Variants in SYN2 observed in about 807,000 individuals in gnomAD.
SYN2 encodes the protein synapsin-2.
SYN2 carries 19 observed loss-of-function variants against 50.9 expected under a neutral mutation model. The observed-to-expected ratio is 0.37, with a 90% CI of 0.26 to 0.55. SYN2 has a LOEUF of 0.55. Ranked by LOEUF, SYN2 falls within the 20% of genes least tolerant of loss-of-function variation. The pLI, the probability that SYN2 is intolerant of heterozygous loss-of-function variation, is 0.81. For missense variants in SYN2, 587 were observed against 576.4 expected (o/e 1.02, Z -0.19); for synonymous variants, 255 against 224.9 (o/e 1.13, Z -1.20).
At chr3:12,065,415 G>A (rs910591202) in intron 1 of SYN2, among the ~76,000 whole-genome samples, 11 of 152,076 alleles carry the variant, frequency 7.2e-5, no homozygotes, top group African/African-American at 1.4e-4. Context: ...TATGTTTGTC[G>A]TAGCACTATT....
chr3:12,186,396 T>C (rs1698342310), intron 11 of SYN2, among the ~76,000 whole-genome samples: 1 of 152,186 alleles, frequency 6.6e-6, no homozygotes, highest in African/African-American at 2.4e-5. Flanking sequence ...AAGGAGGACC[T>C]TTTTCCTCTC....
intron 1 of SYN2, among the ~76,000 whole-genome samples, chr3:12,090,033 A>G (rs1442404264): frequency 6.6e-6 from 1 of 152,230 alleles, no homozygotes; most frequent in Non-Finnish European, 1.5e-5. Flanking sequence ...GTGATTACCA[A>G]GAAATAGACT....
chr3:12,190,976 C>T lies in SYN2; in HGVS notation c.*351C>T, dbSNP rs1227950129. On this transcript the variant is annotated 3_prime_UTR_variant, in exon 13 of 13. Coordinates refer to ENST00000621198, the MANE Select transcript of SYN2 (RefSeq NM_133625.6). ...TGAAACCAGGATTAATCGTGGACTC[C>T]TGGCAGCTTAACCTAGCTCAGTTGC... is the stretch of plus-strand genomic sequence containing the variant. 6.8e-6 allele frequency: 7 copies of T among 1,034,562 alleles called. No homozygotes were observed. The Admixed American group carries it at 4.1e-4, about 61-fold the overall frequency. 64.1% of individuals were successfully genotyped at this position (1,034,562 alleles called of 1,614,324 possible). A position where few individuals can be genotyped will look rare whatever the true frequency, so the allele number is the denominator to read the frequency against.
intron 1 of SYN2, among the ~76,000 whole-genome samples, chr3:12,123,295 C>G (rs1696601187): frequency 6.6e-6 from 1 of 152,128 alleles, no homozygotes. Context: ...AGTGAAGTTG[C>G]AGAGCATCAA....
Position 12,169,730 on chromosome 3 carries a change from C to T in SYN2, c.1159-27C>T. 4 of 1,612,758 alleles carry T rather than the reference C, an allele frequency of 2.5e-6. No individual in the cohort carries two copies. In the South Asian group the frequency reaches 3.3e-5, roughly 13 times the overall value. The stretch of plus-strand genomic sequence containing the variant: ...GCCATTTATGTTTCCAGACCCCTTT[C>T]CTCACCTGGGACACATCTCCCACCA... On this transcript the variant is annotated intron_variant, in intron 9 of 12. Coordinates refer to ENST00000621198, the MANE Select transcript of SYN2 (RefSeq NM_133625.6).
At chr3:12,076,514 G>A (rs997158680) in intron 1 of SYN2, among the ~76,000 whole-genome samples, 6 of 151,238 alleles carry the variant, frequency 4.0e-5, no homozygotes, top group Non-Finnish European at 1.5e-5. Context: ...CTTTTTATCC[G>A]TCATTACTAG....
intron 1 of SYN2, among the ~76,000 whole-genome samples, chr3:12,028,028 C>T (rs1694301919): frequency 1.3e-5 from 1 of 78,262 alleles, no homozygotes; most frequent in South Asian, 5.8e-4. Flanking sequence ...CTTTCCCTCC[C>T]CCCTCCCCAC....
intron 1 of SYN2, among the ~76,000 whole-genome samples, chr3:12,041,873 C>T (rs1314650659): frequency 2.0e-5 from 3 of 152,180 alleles, no homozygotes; most frequent in African/African-American, 7.2e-5. Context: ...CTCAGTCCTC[C>T]AGATATAATA....
Position 12,161,548 on chromosome 3 carries a change from G to T in SYN2, c.777G>T (p.Leu259=), listed in dbSNP as rs764136841. Residue 259 remains leucine, a splice_region_variant and synonymous_variant, in exon 6 of 13, where the codon CTG becomes CTT. Coordinates refer to ENST00000621198, the MANE Select transcript of SYN2 (RefSeq NM_133625.6). The part of the protein sequence containing the change: ...QTYYPNHKEM[L]TLPTFPVVVK... ...ATTCATTTCTCTTCTGATTTCAGCT[G>T]ACACTGCCCACGTTCCCTGTGGTGG... 1 of 1,614,004 alleles carries T rather than the reference G, an allele frequency of 6.2e-7. No homozygotes were observed. The highest frequency in any genetic ancestry group is 1.1e-5 in the South Asian group (1 of 91,080).
intron 1 of SYN2, among the ~76,000 whole-genome samples, chr3:12,027,951 CTT>C (rs35864647): frequency 1.5e-3 from 208 of 140,936 alleles, no homozygotes; most frequent in Middle Eastern, 3.6e-3. Context: ...ATAAGTAATT[CTT>C]TTTTTTTTTT....
intron 1 of SYN2, among the ~76,000 whole-genome samples, chr3:12,017,170 G>A (rs1259738848): frequency 7.9e-5 from 12 of 152,106 alleles, no homozygotes. Context: ...TGTGTGTAGT[G>A]CAGATGTAGG....
At chr3:12,123,867 C>A in intron 1 of SYN2, among the ~76,000 whole-genome samples, 1 of 151,926 alleles carries the variant, frequency 6.6e-6, no homozygotes, top group East Asian at 1.9e-4. Flanking sequence ...AAAAATCAGC[C>A]AAGTGTGGTG....
intron 1 of SYN2, among the ~76,000 whole-genome samples, chr3:12,013,131 A>T (rs1693951568): frequency 6.6e-6 from 1 of 152,186 alleles, no homozygotes; most frequent in South Asian, 2.1e-4. Context: ...GTTCCTTTTT[A>T]AAATTTTTAA....
At chr3:12,020,475 C>T (rs1318311262) in intron 1 of SYN2, among the ~76,000 whole-genome samples, 1 of 151,962 alleles carries the variant, frequency 6.6e-6, no homozygotes, top group Admixed American at 6.6e-5. Context: ...GCACCTGGCC[C>T]TCTGACTCGG....
At chr3:12,110,597 T>C (rs307603) in intron 1 of SYN2, among the ~76,000 whole-genome samples, 125,310 of 152,164 alleles carry the variant, frequency 0.82, 52,130 homozygotes, top group Middle Eastern at 0.93. Flanking sequence ...TAGGCATTTC[T>C]ATACATCCTC....
Position 12,004,515 on chromosome 3 carries a change from C to T in SYN2, c.-37C>T, listed in dbSNP as rs773052517. 1 of 524,402 alleles carries T rather than the reference C, an allele frequency of 1.9e-6. No individual in the cohort carries two copies. The highest frequency in any genetic ancestry group is 3.6e-6 in the Non-Finnish European group (1 of 281,218). The allele number at this position is 524,402 out of a possible 1,614,324, so 32.5% of individuals were successfully genotyped here. On this transcript the variant is annotated 5_prime_UTR_variant, in exon 1 of 13. Transcript: ENST00000621198. The stretch of plus-strand genomic sequence containing the variant: ...CTCGCTCTCCCTCCGCGCCACCAGA[C>T]CCCGTAGCCCCGCGCGCCCCCAGCC...
chr3:12,174,254 C>G (rs1698007180), intron 10 of SYN2, among the ~76,000 whole-genome samples: 1 of 74 alleles, frequency 0.014, no homozygotes, highest in South Asian at 0.12. Context: ...TGCTTGACAT[C>G]CTTACTTTGC....
intron 11 of SYN2, chr3:12,184,798 C>T (rs969059029): frequency 1.0e-6 from 1 of 985,816 alleles, no homozygotes; most frequent in African/African-American, 1.7e-5. Flanking sequence ...CTTGCCATCT[C>T]CCGGCCAGGC....
intron 1 of SYN2, among the ~76,000 whole-genome samples, chr3:12,139,854 T>TAGA (rs1696975863): frequency 6.6e-6 from 1 of 152,198 alleles, no homozygotes. Flanking sequence ...GAGGGCAGGT[T>TAGA]AGAAGCAAAG....
Sources: gnomAD v4.1 joint callset for allele counts (sites outside exome capture counted in the v4.1 genomes callset) on GRCh38, gnomAD v4.1.1 for gene constraint, MANE v1.5 for transcripts, NCBI Gene and HGNC (gene_info 2026-07-23, HGNC 2026-07-21) for gene names.